The following TBCE variants were observed in gnomAD, a reference collection of about 807,000 sequenced individuals.
TBCE encodes the protein tubulin folding cofactor E.
TBCE carries 53 observed loss-of-function variants against 77.0 expected under a neutral mutation model. That is an observed-to-expected ratio of 0.69 (90% confidence interval 0.55 to 0.87). TBCE has a LOEUF of 0.87. TBCE is among the 40% of genes least tolerant of loss of function. TBCE has a pLI of 0.00. For missense variants in TBCE, 624 were observed against 622.4 expected, an observed-to-expected ratio of 1.00 and a Z score of -0.03; for synonymous variants, 235 against 241.3, an observed-to-expected ratio of 0.97 and a Z score of 0.24.
At position 235,374,557 on chromosome 1, in the gene TBCE, G is replaced by A. The variant is rs144523217; in HGVS notation, c.-31-5462G>A. On this transcript the variant is annotated intron_variant, in intron 1 of 16. Coordinates refer to ENST00000642610, the MANE Select transcript of TBCE (RefSeq NM_003193.5). Reference sequence around the variant, plus strand: ...CCTCTGTCGCCCAGGCTGAAGTGCAGTGGTGCAATCTGGGCTCACTGCAAC... The same window carrying A: ...CCTCTGTCGCCCAGGCTGAAGTGCAATGGTGCAATCTGGGCTCACTGCAAC... Among the ~76,000 whole-genome samples, 1,124 of 145,914 alleles carry A rather than the reference G, an allele frequency of 7.7e-3. 195 individuals carry two copies. The highest frequency in any genetic ancestry group is 0.029 in the African/African-American group (1,083 of 37,812).
chr1:235,432,686 G>T (rs1256373237), intron 7 of TBCE, among the ~76,000 whole-genome samples: 2 of 152,014 alleles, frequency 1.3e-5, no homozygotes, highest in Non-Finnish European at 2.9e-5. Context: ...AATTGAAGTG[G>T]TGGAGATGGC....
chr1:235,381,631 G>A (rs1677650685), intron 2 of TBCE, among the ~76,000 whole-genome samples: 1 of 133,622 alleles, frequency 7.5e-6, no homozygotes, highest in African/African-American at 2.8e-5. Context: ...GTTGCAGTGA[G>A]CCGAGACCAC....
intron 2 of TBCE, among the ~76,000 whole-genome samples, chr1:235,395,351 A>C (rs1232051242): frequency 1.3e-5 from 2 of 152,100 alleles, no homozygotes; most frequent in African/African-American, 2.4e-5. Context: ...TCTGTTTGTT[A>C]CAAACAGCCC....
intron 2 of TBCE, among the ~76,000 whole-genome samples, chr1:235,399,387 G>C (rs78381726): frequency 0.056 from 8,450 of 152,146 alleles, 426 homozygotes; most frequent in African/African-American, 0.13. Flanking sequence ...TATAATATTG[G>C]TGTGTCAGGC....
chr1:235,372,869 A>G (rs755639576), intron 1 of TBCE, among the ~76,000 whole-genome samples: 19 of 144,546 alleles, frequency 1.3e-4, no homozygotes, highest in Non-Finnish European at 2.2e-4. Flanking sequence ...GCTTGCAGTG[A>G]GCTGAGATTG....
intron 2 of TBCE, among the ~76,000 whole-genome samples, chr1:235,392,409 T>TTC (rs61536600): frequency 1.4e-3 from 185 of 133,816 alleles, no homozygotes; most frequent in Admixed American, 2.8e-3. Flanking sequence ...AATTTTTTTT[T>TTC]TTTTTTTTTT....
chr1:235,437,380 GA>G lies in TBCE; in HGVS notation c.1025del (p.Asn342ThrfsTer3), dbSNP rs1681530018. On this transcript the variant is annotated frameshift_variant, in exon 12 of 17. Transcript: ENST00000642610. LOFTEE classifies it high-confidence loss of function. ...LPSLRALSCL[R>X]NPLTKEDKEA... Reference sequence around the variant, plus strand: ...AGTCTACGGGCTTTGTCCTGCCTAAGAAACCCCCTGACCAAAGAGGACAAAG... The same window carrying G: ...AGTCTACGGGCTTTGTCCTGCCTAAGAACCCCCTGACCAAAGAGGACAAAG... The G allele has an allele frequency of 6.2e-7, 1 of 1,613,998 alleles. No homozygotes were observed. The highest frequency in any genetic ancestry group is 1.7e-5 in the Admixed American group (1 of 59,982).
chr1:235,437,888 T>A (rs1295018897), intron 12 of TBCE, among the ~76,000 whole-genome samples: 1 of 152,134 alleles, frequency 6.6e-6, no homozygotes, highest in East Asian at 1.9e-4. Flanking sequence ...GATGTAGCTT[T>A]CCTTGGAATG....
intron 3 of TBCE, among the ~76,000 whole-genome samples, chr1:235,410,410 A>T (rs1266889576): frequency 1.3e-5 from 2 of 152,112 alleles, no homozygotes. Flanking sequence ...TAATTTCCTG[A>T]CGTTGCCATG....
In TBCE at chr1:235,412,721, AC is replaced by A. The variant is rs552153914; in HGVS notation, c.186-1709del. 4.6e-5 allele frequency among the ~76,000 whole-genome samples: 7 copies of A among 152,324 alleles called. No homozygotes were observed. In the South Asian group the frequency reaches 1.4e-3, roughly 32 times the overall value. ...TTTTAGAGTCTGATCATCACTGTGAACCCACATCTTAGAGAAAACTGTACGT... is the reference window on the plus strand; with the variant it reads ...TTTTAGAGTCTGATCATCACTGTGAACCACATCTTAGAGAAAACTGTACGT... On this transcript the variant is annotated intron_variant, in intron 3 of 16. Coordinates refer to ENST00000642610, the MANE Select transcript of TBCE (RefSeq NM_003193.5).
intron 5 of TBCE, among the ~76,000 whole-genome samples, chr1:235,422,926 T>C (rs573242201): frequency 6.6e-6 from 1 of 152,350 alleles, no homozygotes; most frequent in Middle Eastern, 3.4e-3. Flanking sequence ...CAGCATGTTG[T>C]TTGTTTATAC....
chr1:235,448,545 G>A (rs1682636900), intron 16 of TBCE, 105 bp downstream of exon 16: 4 of 1,388,284 alleles, frequency 2.9e-6, no homozygotes, highest in Non-Finnish European at 4.1e-6. Flanking sequence ...TGGAGACCAT[G>A]GGTCTGTTTG....
intron 1 of TBCE, among the ~76,000 whole-genome samples, chr1:235,368,903 A>G (rs1007914041): frequency 2.6e-5 from 4 of 152,018 alleles, no homozygotes; most frequent in Non-Finnish European, 5.9e-5. Context: ...TTGGATTTAC[A>G]TTCATTGTCA....
intron 9 of TBCE, chr1:235,436,054 T>C (rs936149263): frequency 8.2e-6 from 5 of 609,350 alleles, no homozygotes; most frequent in Admixed American, 2.9e-5. Context: ...ACCAGATAAT[T>C]TGAAGAATGA....
rs368858235 is a variant in TBCE, at chr1:235,437,288, C to T, written c.964-34C>T. ...TTCTGCAAAAGTGGCATGAACGTACCGCTTTTCATTTATTTCCTTTTGCTG... is the reference window on the plus strand; with the variant it reads ...TTCTGCAAAAGTGGCATGAACGTACTGCTTTTCATTTATTTCCTTTTGCTG... On this transcript the variant is annotated intron_variant, in intron 11 of 16. Coordinates refer to ENST00000642610, the MANE Select transcript of TBCE (RefSeq NM_003193.5). The T allele has an allele frequency of 7.9e-5, 127 of 1,613,764 alleles. 1 individual carries two copies. The highest frequency in any genetic ancestry group is 6.9e-4 in the African/African-American group (52 of 74,986).
At chr1:235,427,056 G>T in intron 5 of TBCE, 84 bp from the exon 6 acceptor site, 1 of 948,406 alleles carries the variant, frequency 1.1e-6, no homozygotes, top group South Asian at 1.4e-5. Context: ...AAGTTAAAAC[G>T]CTCATGCTCT....
At chr1:235,371,375 T>C (rs972738276) in intron 1 of TBCE, among the ~76,000 whole-genome samples, 27 of 147,994 alleles carry the variant, frequency 1.8e-4, no homozygotes, top group Admixed American at 2.7e-4. Context: ...TTTTTTTTTT[T>C]CCCTTTTTTT....
intron 1 of TBCE, among the ~76,000 whole-genome samples, chr1:235,373,433 A>G (rs1677095702): frequency 1.3e-5 from 2 of 151,966 alleles, no homozygotes; most frequent in African/African-American, 2.4e-5. Context: ...AAAAAAAAGA[A>G]TGTAACGTCT....
intron 8 of TBCE, 67 bp from the exon 9 acceptor site, chr1:235,435,678 T>G: frequency 6.8e-7 from 1 of 1,471,404 alleles, no homozygotes; most frequent in South Asian, 1.1e-5. Flanking sequence ...GCAGGGATTT[T>G]AAGGCTGTAT....
Sources: gnomAD v4.1 joint callset for allele counts (sites outside exome capture counted in the v4.1 genomes callset) on GRCh38, gnomAD v4.1.1 for gene constraint, MANE v1.5 for transcripts, NCBI Gene and HGNC (gene_info 2026-07-23, HGNC 2026-07-21) for gene names.